The following PPP1R12A variants were observed in gnomAD, a reference collection of about 807,000 sequenced individuals.
The protein encoded by PPP1R12A is myosin binding subunit.
PPP1R12A carries 19 observed loss-of-function variants against 139.6 expected under a neutral mutation model. The observed-to-expected ratio is 0.14, with a 90% CI of 0.09 to 0.20. PPP1R12A has a LOEUF of 0.20. Among genes scored for constraint, PPP1R12A ranks in the 10% least tolerant of loss-of-function variants. The pLI is 1.00. For missense variants in PPP1R12A, 925 were observed against 1,211.5 expected (o/e 0.76, Z 3.51); for synonymous variants, 427 against 420.6 (o/e 1.02, Z -0.19).
At chr12:79,776,325 T>C (rs1869716671) in intron 24 of PPP1R12A, among the ~76,000 whole-genome samples, 1 of 152,110 alleles carries the variant, frequency 6.6e-6, no homozygotes, top group South Asian at 2.1e-4. Context: ...CAAGCCTGTT[T>C]TTGTTAGGAT....
chr12:79,853,911 T>A (rs545889327), intron 2 of PPP1R12A, among the ~76,000 whole-genome samples: 1 of 152,348 alleles, frequency 6.6e-6, no homozygotes, highest in East Asian at 1.9e-4. Context: ...GTATAATTGA[T>A]GTTGGCCAGG....
In PPP1R12A at chr12:79,814,489, A is replaced by T. The variant is rs1203001588; in HGVS notation, c.1239+2905T>A. Among the ~76,000 whole-genome samples the T allele has an allele frequency of 1.8e-3, 265 of 143,854 alleles. 5 individuals carry two copies. Among genetic ancestry groups the T allele is most frequent in the Non-Finnish European group, 3.0e-3 (198 of 65,930 alleles). The allele number at this position is 143,854 out of a possible 152,430, so 94.4% of individuals were successfully genotyped here. A position where few individuals can be genotyped will look rare whatever the true frequency, so the allele number is the denominator to read the frequency against. ...AAGACTCCATCTCAAAAAAAAAAAA[A>T]AAAAAAAAAAAGGACTCCCCCTCTT... On this transcript the variant is annotated intron_variant, in intron 9 of 24. Transcript: ENST00000450142.
Position 79,793,941 on chromosome 12 carries a change from T to C in PPP1R12A, c.2584-13A>G, listed in dbSNP as rs199513392. 2 of 1,544,586 alleles carry C rather than the reference T, an allele frequency of 1.3e-6. No individual in the cohort carries two copies. Among genetic ancestry groups the C allele is most frequent in the Non-Finnish European group, 1.7e-6 (2 of 1,153,068 alleles). On this transcript the variant is annotated splice_polypyrimidine_tract_variant and intron_variant, in intron 18 of 24. Transcript: ENST00000450142. ...CATTTTCATCACTCTAAAAACAGAT[T>C]GCCAATTTATATTTTAGGAAATTTT...
chr12:79,777,792 T>C (rs1869918655), intron 24 of PPP1R12A: 1 of 338,150 alleles, frequency 3.0e-6, no homozygotes, highest in Admixed American at 6.5e-5. Flanking sequence ...AAACACTGTA[T>C]TCCTAAAATT....
chr12:79,892,949 C>G (rs566912655), intron 1 of PPP1R12A, among the ~76,000 whole-genome samples: 1 of 151,896 alleles, frequency 6.6e-6, no homozygotes, highest in Non-Finnish European at 1.5e-5. Context: ...ACTAAAAATA[C>G]AAAAATTAGC....
chr12:79,930,558 AGGTCAGG>A (rs1238083658), intron 1 of PPP1R12A, among the ~76,000 whole-genome samples: 2 of 152,170 alleles, frequency 1.3e-5, no homozygotes, highest in East Asian at 3.9e-4. Flanking sequence ...GGATCACCTG[AGGTCAGG>A]AGTTCGAGAC....
At chr12:79,794,079 T>C (rs1197344557) in intron 18 of PPP1R12A, among the ~76,000 whole-genome samples, 151 bp from the exon 19 acceptor site, 2 of 152,058 alleles carry the variant, frequency 1.3e-5, no homozygotes, top group Non-Finnish European at 2.9e-5. Flanking sequence ...TTCTTCTAAA[T>C]AATATGGGAG....
At chr12:79,850,845 T>C (rs1879958967) in intron 2 of PPP1R12A, among the ~76,000 whole-genome samples, 1 of 152,072 alleles carries the variant, frequency 6.6e-6, no homozygotes, top group Non-Finnish European at 1.5e-5. Flanking sequence ...CTTTCTCTCT[T>C]CTTGCTGGCC....
At chr12:79,854,951 G>A (rs774898728) in intron 2 of PPP1R12A, among the ~76,000 whole-genome samples, 2 of 152,008 alleles carry the variant, frequency 1.3e-5, no homozygotes, top group Non-Finnish European at 2.9e-5. Flanking sequence ...GGGATTATAG[G>A]TGTTGGCCAT....
chr12:79,791,928 T>G (rs1871924678), intron 19 of PPP1R12A, among the ~76,000 whole-genome samples: 1 of 152,182 alleles, frequency 6.6e-6, no homozygotes. Context: ...TTATTTCATT[T>G]AGCATAACGC....
chr12:79,932,989 A>G (rs1415976880), intron 1 of PPP1R12A, among the ~76,000 whole-genome samples: 1 of 152,218 alleles, frequency 6.6e-6, no homozygotes, highest in African/African-American at 2.4e-5. Context: ...TAAAACGTGT[A>G]AAGTACACTT....
chr12:79,874,815 T>C (rs1374279618), intron 1 of PPP1R12A, among the ~76,000 whole-genome samples: 1 of 152,182 alleles, frequency 6.6e-6, no homozygotes, highest in Non-Finnish European at 1.5e-5. Context: ...GTACTCATTG[T>C]TCCCCACAAT....
intron 1 of PPP1R12A, among the ~76,000 whole-genome samples, chr12:79,883,787 T>C (rs951317496): frequency 2.2e-4 from 33 of 152,172 alleles, no homozygotes; most frequent in African/African-American, 8.0e-4. Flanking sequence ...GATTAAATTA[T>C]GATCAGGATA....
chr12:79,789,211 G>A (rs1871495847), intron 20 of PPP1R12A, among the ~76,000 whole-genome samples: 1 of 152,040 alleles, frequency 6.6e-6, no homozygotes, highest in African/African-American at 2.4e-5. Context: ...GGAGACTACA[G>A]GAATGAGCCA....
intron 1 of PPP1R12A, among the ~76,000 whole-genome samples, chr12:79,907,509 C>T (rs1221233086): frequency 6.6e-6 from 1 of 152,152 alleles, no homozygotes; most frequent in African/African-American, 2.4e-5. Flanking sequence ...AAATTAAGAA[C>T]TTGATAAACA....
intron 2 of PPP1R12A, among the ~76,000 whole-genome samples, chr12:79,850,097 C>T (rs1879871067): frequency 6.6e-6 from 1 of 152,114 alleles, no homozygotes; most frequent in South Asian, 2.1e-4. Context: ...CAGGTGTGAG[C>T]CACCGGGCCC....
intron 2 of PPP1R12A, among the ~76,000 whole-genome samples, chr12:79,850,224 A>G (rs1347601940): frequency 2.6e-5 from 4 of 152,246 alleles, no homozygotes; most frequent in African/African-American, 9.6e-5. Flanking sequence ...TAAATGAGTA[A>G]GCTTCCAAAT....
At chr12:79,779,797 G>A in intron 23 of PPP1R12A, 1 of 162,476 alleles carries the variant, frequency 6.2e-6, no homozygotes, top group South Asian at 1.7e-4. Context: ...TTAAATTAGT[G>A]GTAAAGTAAG....
chr12:79,935,169 C>T (rs1028789654), upstream of PPP1R12A: 3 of 1,335,074 alleles, frequency 2.2e-6, no homozygotes, highest in South Asian at 3.8e-5. Flanking sequence ...CACGGCCACC[C>T]GTCACCGGCG....
Sources: allele counts gnomAD v4.1 joint callset (sites outside exome capture counted in the v4.1 genomes callset), GRCh38; gene constraint gnomAD v4.1.1; transcripts MANE v1.5; gene names NCBI Gene and HGNC (gene_info 2026-07-23, HGNC 2026-07-21).